Variants in ENTREP2 observed in about 807,000 individuals in gnomAD.
ENTREP2 encodes the protein endosomal transmembrane epsin interactor 2, also known as protein ENTREP2.
chr15:29,405,391 G>GAAA, the ENTREP2 span, among the ~76,000 whole-genome samples: 2 of 125,840 alleles, frequency 1.6e-5, no homozygotes, highest in Non-Finnish European at 3.4e-5. Flanking sequence ...TCCGTCTCCA[G>GAAA]AAAAAAAAAA....
the ENTREP2 span, among the ~76,000 whole-genome samples, chr15:29,540,415 A>G: frequency 2.0e-5 from 3 of 152,388 alleles, no homozygotes; most frequent in African/African-American, 7.2e-5. Context: ...AAAGAAAGAA[A>G]GAGGCCAGTG....
chr15:29,345,392 A>G, the ENTREP2 span, among the ~76,000 whole-genome samples: 1 of 152,000 alleles, frequency 6.6e-6, no homozygotes, highest in Non-Finnish European at 1.5e-5. Context: ...ACAGAGCACA[A>G]GCACAGCCCT....
At chr15:29,352,582 G>A in the ENTREP2 span, among the ~76,000 whole-genome samples, 1 of 152,002 alleles carries the variant, frequency 6.6e-6, no homozygotes, top group Admixed American at 6.6e-5. Flanking sequence ...TGTCTGATGT[G>A]CATCACCAGC....
At chr15:29,564,200 A>C in the ENTREP2 span, among the ~76,000 whole-genome samples, 1 of 152,046 alleles carries the variant, frequency 6.6e-6, no homozygotes, top group Non-Finnish European at 1.5e-5. Flanking sequence ...TTCTCCAGGT[A>C]CCCACTTGTT....
chr15:29,154,108 T>C, the ENTREP2 span, among the ~76,000 whole-genome samples: 2 of 152,250 alleles, frequency 1.3e-5, no homozygotes, highest in African/African-American at 2.4e-5. Context: ...CTATGTGATA[T>C]CTTGAGACTT....
At chr15:29,470,174 G>A in the ENTREP2 span, among the ~76,000 whole-genome samples, 1,689 of 152,318 alleles carry the variant, frequency 0.011, 32 homozygotes, top group African/African-American at 0.039. Context: ...CGGCGTGTGT[G>A]TGAACACGGG....
chr15:29,529,853 T>A, the ENTREP2 span, among the ~76,000 whole-genome samples: 4 of 152,042 alleles, frequency 2.6e-5, no homozygotes, highest in Non-Finnish European at 5.9e-5. Context: ...ACATCACAGG[T>A]TTATGGCCAT....
chr15:29,338,575 C>A, the ENTREP2 span, among the ~76,000 whole-genome samples: 2 of 151,958 alleles, frequency 1.3e-5, no homozygotes, highest in Admixed American at 1.3e-4. Flanking sequence ...GAGGATGTCT[C>A]TTTGTGTCGC....
At chr15:29,257,977 T>G in the ENTREP2 span, among the ~76,000 whole-genome samples, 1 of 152,046 alleles carries the variant, frequency 6.6e-6, no homozygotes, top group East Asian at 1.9e-4. Flanking sequence ...TTTGGGAGGC[T>G]GAGGCGGGTG....
chr15:29,183,874 T>G, the ENTREP2 span, among the ~76,000 whole-genome samples: 3 of 152,220 alleles, frequency 2.0e-5, no homozygotes, highest in African/African-American at 7.2e-5. Context: ...GATAATATAT[T>G]TCTTATTTAA....
the ENTREP2 span, among the ~76,000 whole-genome samples, chr15:29,641,563 G>A: frequency 6.6e-6 from 1 of 152,090 alleles, no homozygotes; most frequent in African/African-American, 2.4e-5. Flanking sequence ...TGGGCACGGT[G>A]GCTCACGCCT....
At chr15:29,241,754 C>A in the ENTREP2 span, among the ~76,000 whole-genome samples, 2 of 152,148 alleles carry the variant, frequency 1.3e-5, no homozygotes, top group Admixed American at 1.3e-4. Context: ...ATTGAAATAA[C>A]TGAGTCATTA....
the ENTREP2 span, among the ~76,000 whole-genome samples, chr15:29,130,855 G>C: frequency 6.6e-6 from 1 of 152,186 alleles, no homozygotes; most frequent in Non-Finnish European, 1.5e-5. Context: ...CAGTAGAAAA[G>C]GGTGGGGAAG....
chr15:29,131,581 T>C, the ENTREP2 span, among the ~76,000 whole-genome samples: 1 of 75,648 alleles, frequency 1.3e-5, no homozygotes, highest in Non-Finnish European at 2.4e-5. Context: ...GACCTTCACC[T>C]GCACCACCTC....
At chr15:29,343,161 T>C in the ENTREP2 span, among the ~76,000 whole-genome samples, 1 of 152,142 alleles carries the variant, frequency 6.6e-6, no homozygotes, top group Admixed American at 6.5e-5. Context: ...TATTTGTTTA[T>C]ATTTTCATAA....
At chr15:29,636,438 G>C in the ENTREP2 span, among the ~76,000 whole-genome samples, 1 of 152,330 alleles carries the variant, frequency 6.6e-6, no homozygotes, top group Non-Finnish European at 1.5e-5. Flanking sequence ...GCACATCAGA[G>C]GCCGCCCTGC....
At chr15:29,663,473 T>C in the ENTREP2 span, among the ~76,000 whole-genome samples, 1 of 152,138 alleles carries the variant, frequency 6.6e-6, no homozygotes. Context: ...AAAATGCCCA[T>C]CAATGATAGA....
chr15:29,309,441 G>T, the ENTREP2 span, among the ~76,000 whole-genome samples: 1 of 152,118 alleles, frequency 6.6e-6, no homozygotes, highest in South Asian at 2.1e-4. Context: ...CAAGTCAAGT[G>T]TGTGTTGATG....
At chr15:29,468,914 A>T in the ENTREP2 span, among the ~76,000 whole-genome samples, 1 of 152,296 alleles carries the variant, frequency 6.6e-6, no homozygotes, top group East Asian at 1.9e-4. Context: ...ATGATTTTTT[A>T]AAAAGTTCTT....
Sources: allele counts gnomAD v4.1 joint callset (sites outside exome capture counted in the v4.1 genomes callset), GRCh38; gene constraint gnomAD v4.1.1; transcripts MANE v1.5; gene names NCBI Gene and HGNC (gene_info 2026-07-23, HGNC 2026-07-21).